Variants in TRAP1 observed in about 807,000 individuals in gnomAD.
TRAP1 encodes TNF receptor associated protein 1, also known as heat shock protein 75 kDa, mitochondrial.
A neutral mutation model predicts 89.1 loss-of-function variants in TRAP1; 102 were observed. That is an observed-to-expected ratio of 1.15 (90% CI 0.98 to 1.35). The LOEUF is 1.35. Among genes scored for constraint, TRAP1 ranks in the 40% most tolerant of loss-of-function variants. The pLI is 0.00. For missense variants in TRAP1, 1,256 were observed against 945.3 expected (o/e 1.33, Z -4.31); for synonymous variants, 508 against 388.0 (o/e 1.31, Z -3.64).
intron 1 of TRAP1, among the ~76,000 whole-genome samples, chr16:3,695,994 G>A (rs577024334): frequency 6.6e-6 from 1 of 152,124 alleles, no homozygotes; most frequent in Admixed American, 6.6e-5. Flanking sequence ...AATCAATACC[G>A]GAACATTTAC....
At chr16:3,658,520 T>A in intron 17 of TRAP1, 1 of 568,346 alleles carries the variant, frequency 1.8e-6, no homozygotes, top group Non-Finnish European at 3.1e-6. Context: ...CCATCTCTAC[T>A]AAAATACAAA....
chr16:3,700,752 C>T (rs758162626), intron 1 of TRAP1, among the ~76,000 whole-genome samples: 3 of 152,152 alleles, frequency 2.0e-5, no homozygotes, highest in Non-Finnish European at 4.4e-5. Flanking sequence ...AGAAGTGAGC[C>T]ACCGCACCTG....
At chr16:3,688,175 T>C (rs2051163559) in intron 3 of TRAP1, among the ~76,000 whole-genome samples, 1 of 152,126 alleles carries the variant, frequency 6.6e-6, no homozygotes, top group South Asian at 2.1e-4. Flanking sequence ...TTGCGGGGTT[T>C]TTTTTAATAG....
At chr16:3,684,108 C>A (rs2151264298) in intron 4 of TRAP1, among the ~76,000 whole-genome samples, 1 of 152,222 alleles carries the variant, frequency 6.6e-6, no homozygotes, top group East Asian at 1.9e-4. Flanking sequence ...AGAGGCCTCA[C>A]TGCAGTGAGG....
chr16:3,681,422 C>G (rs943335832), intron 4 of TRAP1, among the ~76,000 whole-genome samples: 3 of 152,172 alleles, frequency 2.0e-5, no homozygotes, highest in African/African-American at 7.2e-5. Flanking sequence ...GTAGGCAGCA[C>G]AGGCAGAATG....
intron 11 of TRAP1, among the ~76,000 whole-genome samples, chr16:3,668,491 T>C (rs10852637): frequency 0.61 from 93,012 of 152,168 alleles, 29,814 homozygotes; most frequent in African/African-American, 0.82. Context: ...TTGTTGGAAA[T>C]GCACCCCAAA....
intron 16 of TRAP1, chr16:3,660,394 T>G (rs117973551): frequency 0.046 from 6,968 of 152,332 alleles, 213 homozygotes; most frequent in Admixed American, 0.064. Context: ...CCCACCACTT[T>G]GGGAGGCCAA....
intron 1 of TRAP1, among the ~76,000 whole-genome samples, chr16:3,705,823 G>A (rs1296816185): frequency 6.6e-6 from 1 of 151,802 alleles, no homozygotes; most frequent in Non-Finnish European, 1.5e-5. Context: ...GAGATTACAG[G>A]CATGTGCCAC....
In TRAP1 at chr16:3,717,478, A is replaced by C; in HGVS notation, c.31T>G (p.Trp11Gly). 7.5e-7 allele frequency: 1 copy of C among 1,328,690 alleles called. No individual in the cohort carries two copies. The highest frequency in any genetic ancestry group is 2.0e-5 in the South Asian group (1 of 50,608). The allele number at this position is 1,328,690 out of a possible 1,614,324, so 82.3% of individuals were successfully genotyped here. A position where few individuals can be genotyped will look rare whatever the true frequency, so the allele number is the denominator to read the frequency against. MARELRALLL[W>G]GRRLRPLLRA... is the part of the protein sequence containing the mutation. Reference sequence around the variant, plus strand: ...AGCAAAGGCCGCAGGCGGCGGCCCCACAGCAGCAGCGCCCGCAGCTCGCGC... The same window carrying C: ...AGCAAAGGCCGCAGGCGGCGGCCCCCCAGCAGCAGCGCCCGCAGCTCGCGC... Residue 11 changes from tryptophan (W) to glycine (G), a missense_variant, in exon 1 of 18, where the codon TGG (tryptophan) becomes GGG (glycine). By Grantham distance (184) the Trp-to-Gly change is radical. Coordinates refer to ENST00000246957, the MANE Select transcript of TRAP1 (RefSeq NM_016292.3).
At chr16:3,705,661 A>C (rs115452524) in intron 1 of TRAP1, among the ~76,000 whole-genome samples, 370 of 152,216 alleles carry the variant, frequency 2.4e-3, no homozygotes, top group African/African-American at 8.4e-3. Context: ...TCCATTCATC[A>C]AATGATGGGC....
At chr16:3,662,668 G>A (rs181283430) in intron 15 of TRAP1, 2 of 690,808 alleles carry the variant, frequency 2.9e-6, no homozygotes, top group Admixed American at 2.0e-5. Flanking sequence ...ACCTGCTCTG[G>A]AGCAGGGCTG....
chr16:3,686,245 A>T, intron 3 of TRAP1, 109 bp from the exon 4 acceptor site: 2 of 1,288,472 alleles, frequency 1.6e-6, no homozygotes, highest in Non-Finnish European at 1.1e-6. Context: ...GAGAATAGTC[A>T]ATTCTCAAAG....
intron 1 of TRAP1, among the ~76,000 whole-genome samples, chr16:3,697,647 G>C (rs758687982): frequency 1.4e-5 from 2 of 139,748 alleles, no homozygotes; most frequent in Admixed American, 7.5e-5. Context: ...CTGGGCAACA[G>C]AGCAAGACTC....
intron 12 of TRAP1, among the ~76,000 whole-genome samples, 163 bp downstream of exon 12, chr16:3,665,808 C>T (rs73505469): frequency 3.4e-3 from 512 of 152,306 alleles, no homozygotes; most frequent in African/African-American, 0.012. Context: ...GTGCCAGAGG[C>T]CCAGAAGCCT....
chr16:3,715,374 C>T (rs371608456), intron 1 of TRAP1, among the ~76,000 whole-genome samples: 3 of 151,824 alleles, frequency 2.0e-5, no homozygotes, highest in Non-Finnish European at 4.4e-5. Flanking sequence ...GGAGGCGGAG[C>T]TTGCAGTGAG....
In TRAP1 at chr16:3,693,536, G is replaced by T. The variant is rs1355367334; in HGVS notation, c.89-2551C>A. 2.6e-5 allele frequency among the ~76,000 whole-genome samples: 4 copies of T among 152,286 alleles called. No homozygotes were observed. The East Asian group carries it at 7.7e-4, about 29-fold the overall frequency. On this transcript the variant is annotated intron_variant, in intron 1 of 17. Transcript: ENST00000246957. ...CAGCCAGCCCTGGGGGCACAGGAGGGAAGTGTCCAAGTGCCAACACCTGCC... is the reference window on the plus strand; with the variant it reads ...CAGCCAGCCCTGGGGGCACAGGAGGTAAGTGTCCAAGTGCCAACACCTGCC...
At chr16:3,674,521 C>G (rs779975834) in intron 8 of TRAP1, 27 bp from the exon 9 acceptor site, 2 of 1,610,064 alleles carry the variant, frequency 1.2e-6, no homozygotes, top group Non-Finnish European at 1.7e-6. Flanking sequence ...GCGGGGAGGG[C>G]GTCGTGTTCA....
intron 1 of TRAP1, among the ~76,000 whole-genome samples, chr16:3,698,393 C>T (rs1262702689): frequency 6.6e-6 from 1 of 151,564 alleles, no homozygotes; most frequent in Non-Finnish European, 1.5e-5. Context: ...TCACTGCAAG[C>T]TCCGCCTCCC....
chr16:3,667,954 A>G, intron 11 of TRAP1, among the ~76,000 whole-genome samples: 1 of 93,640 alleles, frequency 1.1e-5, no homozygotes, highest in African/African-American at 4.3e-5. Flanking sequence ...TTTTGAGATG[A>G]GTCTCGCTCT....
Sources: gnomAD v4.1 joint callset for allele counts (sites outside exome capture counted in the v4.1 genomes callset) on GRCh38, gnomAD v4.1.1 for gene constraint, MANE v1.5 for transcripts, NCBI Gene and HGNC (gene_info 2026-07-23, HGNC 2026-07-21) for gene names.